AFF2: variants seen among roughly 807,000 people sequenced by gnomAD.
AFF2 encodes ALF transcription elongation factor 2.
Under a neutral mutation model 76.9 loss-of-function variants are expected in AFF2, and 14 were observed. The observed-to-expected ratio is 0.18, with a 90% CI of 0.12 to 0.28. AFF2 has a LOEUF of 0.28. AFF2 is among the 10% of genes least tolerant of loss of function. The pLI is 1.00. For synonymous variants in AFF2, 398 were observed against 366.7 expected, an observed-to-expected ratio of 1.09 and a Z score of -0.98; for missense variants, 868 against 1,001.1, an observed-to-expected ratio of 0.87 and a Z score of 1.79.
In AFF2 at chrX:148,514,546, G is replaced by A. The variant is rs782055462; in HGVS notation, c.47+13402G>A. Among the ~76,000 whole-genome samples the A allele has an allele frequency of 8.0e-5, 9 of 112,607 alleles. No homozygotes were observed. In the East Asian group the frequency reaches 2.5e-3, roughly 31 times the overall value. The stretch of plus-strand genomic sequence containing the variant: ...CTACATTTTGGTGTTGACCGTTGGA[G>A]GCAAGGAAATGTCCAAGTTGAATTG... On this transcript the variant is annotated intron_variant, in intron 1 of 20. Coordinates refer to ENST00000370460, the MANE Select transcript of AFF2 (RefSeq NM_002025.4).
At position 148,705,321 on chromosome X, in the gene AFF2, A is replaced by T. The variant is rs962868364; in HGVS notation, c.1041+42553A>T. 2.7e-5 allele frequency among the ~76,000 whole-genome samples: 3 copies of T among 112,455 alleles called. No individual in the cohort carries two copies. The East Asian group carries it at 8.4e-4, about 32-fold the overall frequency. On this transcript the variant is annotated intron_variant, in intron 3 of 20. Coordinates refer to ENST00000370460, the MANE Select transcript of AFF2 (RefSeq NM_002025.4). The stretch of plus-strand genomic sequence containing the variant: ...TATAATTGCACAAAGTCAAGGTGCC[A>T]CAGTCAAGACCTCATAGCAGAAGCA...
chrX:148,681,693 G>GAGAA (rs782693507), intron 3 of AFF2, among the ~76,000 whole-genome samples: 3 of 108,057 alleles, frequency 2.8e-5, no homozygotes, highest in African/African-American at 1.0e-4. Context: ...GAAAGAAAAA[G>GAGAA]AGAAAGAAAG....
chrX:148,573,976 T>A (rs2053258600), intron 1 of AFF2, among the ~76,000 whole-genome samples: 1 of 111,038 alleles, frequency 9.0e-6, no homozygotes, highest in Non-Finnish European at 1.9e-5. Context: ...CATCGTGTAC[T>A]CTGCCTTGAT....
intron 3 of AFF2, among the ~76,000 whole-genome samples, chrX:148,707,431 A>G (rs1334425280): frequency 9.0e-6 from 1 of 111,104 alleles, no homozygotes. Context: ...ATAACTCGTA[A>G]TTAGGCATAT....
At chrX:148,843,269 C>G (rs1445431107) in intron 6 of AFF2, 113 bp from the exon 7 acceptor site, 3 of 572,275 alleles carry the variant, frequency 5.2e-6, no homozygotes, top group Admixed American at 6.9e-5. Context: ...TAATCTGTTA[C>G]TTATCTCAAG....
chrX:148,874,465 A>G (rs2071013440), intron 7 of AFF2, among the ~76,000 whole-genome samples: 2 of 111,201 alleles, frequency 1.8e-5, no homozygotes, highest in African/African-American at 6.5e-5. Context: ...AGAGAGGTCA[A>G]TTAGTTTGCC....
chrX:148,933,732 A>G (rs373219377), intron 9 of AFF2, among the ~76,000 whole-genome samples: 65 of 112,337 alleles, frequency 5.8e-4, no homozygotes, highest in African/African-American at 1.9e-3. Flanking sequence ...GTCATTTACT[A>G]TAATTATTAT....
At chrX:148,702,615 C>A (rs2054815866) in intron 3 of AFF2, among the ~76,000 whole-genome samples, 1 of 111,631 alleles carries the variant, frequency 9.0e-6, no homozygotes, top group South Asian at 3.8e-4. Flanking sequence ...CAGATATCTC[C>A]AAACTAGGCT....
At chrX:148,797,957 T>C (rs2070007962) in intron 3 of AFF2, among the ~76,000 whole-genome samples, 1 of 112,383 alleles carries the variant, frequency 8.9e-6, no homozygotes, top group African/African-American at 3.2e-5. Flanking sequence ...TCGTCTATAG[T>C]ATACCCTCCC....
intron 3 of AFF2, among the ~76,000 whole-genome samples, chrX:148,688,171 G>A (rs1309252097): frequency 2.7e-5 from 3 of 111,154 alleles, no homozygotes; most frequent in African/African-American, 9.8e-5. Context: ...TCTGCTGCTG[G>A]TTTTCTTACC....
chrX:148,557,995 T>C (rs1374307008), intron 1 of AFF2, among the ~76,000 whole-genome samples: 1 of 111,889 alleles, frequency 8.9e-6, no homozygotes, highest in Non-Finnish European at 1.9e-5. Context: ...CCAGTCTAAC[T>C]CAGGGTCTGC....
At chrX:148,570,467 G>T (rs953886688) in intron 1 of AFF2, among the ~76,000 whole-genome samples, 4 of 111,883 alleles carry the variant, frequency 3.6e-5, no homozygotes, top group African/African-American at 1.3e-4. Context: ...ATGTGTACTT[G>T]TATTCTTCCT....
At chrX:148,908,654 T>C (rs782536987) in intron 9 of AFF2, among the ~76,000 whole-genome samples, 3 of 112,189 alleles carry the variant, frequency 2.7e-5, no homozygotes, top group East Asian at 5.6e-4. Flanking sequence ...ACAGTTTTAC[T>C]GGAAAACAGA....
At chrX:148,648,331 C>T (rs183038062) in intron 1 of AFF2, among the ~76,000 whole-genome samples, 154 of 110,200 alleles carry the variant, frequency 1.4e-3, no homozygotes, top group African/African-American at 4.9e-3. Context: ...GAGGCCGAGA[C>T]GGGTGGATCA....
chrX:148,652,246 A>AATTTCACTT, intron 2 of AFF2, 115 bp downstream of exon 2: 1 of 615,542 alleles, frequency 1.6e-6, no homozygotes, highest in Non-Finnish European at 2.5e-6. Context: ...ATATTTTACA[A>AATTTCACTT]GTGAAATTTG....
At chrX:148,734,071 C>T (rs2055257696) in intron 3 of AFF2, among the ~76,000 whole-genome samples, 1 of 112,169 alleles carries the variant, frequency 8.9e-6, no homozygotes, top group Non-Finnish European at 1.9e-5. Context: ...CCAGTGGGGA[C>T]CTTCCAGGCC....
chrX:148,787,311 G>T (rs1291272269), intron 3 of AFF2, among the ~76,000 whole-genome samples: 1 of 110,335 alleles, frequency 9.1e-6, no homozygotes, highest in Non-Finnish European at 1.9e-5. Flanking sequence ...CAACATTGCG[G>T]CTGTGTGTGT....
At chrX:148,594,200 G>C (rs1456531681) in intron 1 of AFF2, among the ~76,000 whole-genome samples, 2 of 110,422 alleles carry the variant, frequency 1.8e-5, no homozygotes, top group Non-Finnish European at 3.8e-5. Flanking sequence ...GGCTCGGTTA[G>C]AATTACAAGA....
chrX:148,657,257 G>A (rs1464710904), intron 2 of AFF2, among the ~76,000 whole-genome samples: 1 of 111,565 alleles, frequency 9.0e-6, no homozygotes, highest in African/African-American at 3.3e-5. Flanking sequence ...AATCTGTAAG[G>A]TGCTACACAA....
Sources: gnomAD v4.1 joint callset for allele counts (sites outside exome capture counted in the v4.1 genomes callset) on GRCh38, gnomAD v4.1.1 for gene constraint, MANE v1.5 for transcripts, NCBI Gene and HGNC (gene_info 2026-07-23, HGNC 2026-07-21) for gene names.